CHN2: variants seen among roughly 807,000 people sequenced by gnomAD.
CHN2 encodes the protein chimerin 2.
Under a neutral mutation model 56.3 loss-of-function variants are expected in CHN2, and 35 were observed. The observed-to-expected ratio is 0.62, with a 90% CI of 0.47 to 0.82. The LOEUF (loss-of-function observed/expected upper bound fraction) is 0.82, where lower values mean the gene tolerates loss of function less well. CHN2 is among the 40% of genes least tolerant of loss of function. CHN2 has a pLI of 0.00. For missense variants in CHN2, 491 were observed against 580.5 expected, an observed-to-expected ratio of 0.85 and a Z score of 1.58; for synonymous variants, 210 against 212.8, an observed-to-expected ratio of 0.99 and a Z score of 0.12.
intron 1 of CHN2, among the ~76,000 whole-genome samples, chr7:29,312,516 T>C (rs1395733834): frequency 6.6e-6 from 1 of 152,194 alleles, no homozygotes; most frequent in Non-Finnish European, 1.5e-5. Context: ...GCTAACTTTA[T>C]TATAGAGGTC....
chr7:29,476,582 T>C (rs1786616386), intron 6 of CHN2, among the ~76,000 whole-genome samples: 1 of 151,764 alleles, frequency 6.6e-6, no homozygotes, highest in African/African-American at 2.4e-5. Flanking sequence ...AATACACATA[T>C]ATATGCAAAG....
chr7:29,150,877 A>G (rs775636414), intron 2 of CHN2, among the ~76,000 whole-genome samples: 1 of 152,210 alleles, frequency 6.6e-6, no homozygotes, highest in African/African-American at 2.4e-5. Context: ...TTAATTGTTC[A>G]ATAAACACTT....
At chr7:29,163,880 T>A (rs1185927440) in intron 2 of CHN2, among the ~76,000 whole-genome samples, 1 of 152,372 alleles carries the variant, frequency 6.6e-6, no homozygotes, top group South Asian at 2.1e-4. Context: ...GCTGAATTCA[T>A]TGCTGAATTG....
At chr7:29,384,334 ACCTTGGTTTGGATCTCATCT>A (rs1401714206) in intron 3 of CHN2, among the ~76,000 whole-genome samples, 1 of 152,032 alleles carries the variant, frequency 6.6e-6, no homozygotes, top group Non-Finnish European at 1.5e-5. Flanking sequence ...AGTCAATTAG[ACCTTGGTTTGGATCTCATCT>A]CCCTGCCTCT....
At chr7:29,442,004 G>A (rs1005401906) in intron 6 of CHN2, among the ~76,000 whole-genome samples, 1 of 152,120 alleles carries the variant, frequency 6.6e-6, no homozygotes, top group Non-Finnish European at 1.5e-5. Flanking sequence ...AACTACCCAT[G>A]GTAGCCAAAA....
chr7:29,424,698 T>A (rs1021966726), intron 6 of CHN2, among the ~76,000 whole-genome samples: 4 of 152,098 alleles, frequency 2.6e-5, no homozygotes, highest in East Asian at 1.9e-4. Flanking sequence ...TTCTCTTTTT[T>A]AAAAAAAATC....
intron 1 of CHN2, among the ~76,000 whole-genome samples, chr7:29,299,630 G>A (rs1297438658): frequency 6.6e-6 from 1 of 151,684 alleles, no homozygotes; most frequent in Non-Finnish European, 1.5e-5. Flanking sequence ...TGGATGTAAT[G>A]TATTATTATT....
At chr7:29,465,924 C>T (rs988895168) in intron 6 of CHN2, among the ~76,000 whole-genome samples, 2 of 152,188 alleles carry the variant, frequency 1.3e-5, no homozygotes, top group Non-Finnish European at 2.9e-5. Flanking sequence ...ATATTACAGG[C>T]CGAGCGCAGT....
At chr7:29,334,889 G>A (rs577958146) in intron 1 of CHN2, among the ~76,000 whole-genome samples, 33 of 152,268 alleles carry the variant, frequency 2.2e-4, no homozygotes, top group East Asian at 1.5e-3. Flanking sequence ...CTCCATGTGC[G>A]GACAGGAAGA....
At chr7:29,329,450 C>T (rs1315588763) in intron 1 of CHN2, among the ~76,000 whole-genome samples, 1 of 146,994 alleles carries the variant, frequency 6.8e-6, no homozygotes, top group Non-Finnish European at 1.5e-5. Flanking sequence ...ATGGGCCAAC[C>T]AGAGATTTTT....
chr7:29,381,389 G>T (rs1265246683), intron 3 of CHN2, among the ~76,000 whole-genome samples: 1 of 152,168 alleles, frequency 6.6e-6, no homozygotes, highest in Non-Finnish European at 1.5e-5. Context: ...GTCCAAACAA[G>T]GAGGGCCTAA....
chr7:29,435,749 A>C (rs1369901931), intron 6 of CHN2, among the ~76,000 whole-genome samples: 1 of 152,214 alleles, frequency 6.6e-6, no homozygotes, highest in Non-Finnish European at 1.5e-5. Context: ...TACAGGCTGT[A>C]GGTTAAGAAC....
At chr7:29,258,709 CAAAATAACAGAGATA>C (rs1229367679) in intron 1 of CHN2, among the ~76,000 whole-genome samples, 2 of 152,108 alleles carry the variant, frequency 1.3e-5, no homozygotes, top group Non-Finnish European at 2.9e-5. Flanking sequence ...GTGAGACCCA[CAAAATAACAGAGATA>C]AAAACATAAA....
intron 1 of CHN2, among the ~76,000 whole-genome samples, chr7:29,316,472 CT>C (rs1428756843): frequency 6.6e-6 from 1 of 152,108 alleles, no homozygotes; most frequent in African/African-American, 2.4e-5. Context: ...GTAAAAAAGC[CT>C]GATTAGAATC....
chr7:29,155,915 G>A (rs1562798274), intron 2 of CHN2, among the ~76,000 whole-genome samples: 1 of 152,278 alleles, frequency 6.6e-6, no homozygotes, highest in East Asian at 1.9e-4. Flanking sequence ...TGGGAAATAG[G>A]CCCTGAGCCG....
At chr7:29,427,642 G>A (rs371277786) in intron 6 of CHN2, among the ~76,000 whole-genome samples, 1 of 143,498 alleles carries the variant, frequency 7.0e-6, no homozygotes, top group African/African-American at 2.6e-5. Flanking sequence ...TAGTTCAAGT[G>A]TATATTTTTT....
chr7:29,240,984 T>C (rs933824415), intron 1 of CHN2, among the ~76,000 whole-genome samples: 2 of 152,054 alleles, frequency 1.3e-5, no homozygotes, highest in African/African-American at 4.8e-5. Context: ...CTGCCAGGTT[T>C]AAGTGATTCT....
chr7:29,195,250 G>T (rs1783532721), intron 1 of CHN2: 1 of 417,774 alleles, frequency 2.4e-6, no homozygotes, highest in Non-Finnish European at 4.2e-6. Flanking sequence ...GGGGCTTGGA[G>T]TGCAGCGAGC....
intron 2 of CHN2, among the ~76,000 whole-genome samples, chr7:29,152,458 A>G (rs1170906205): frequency 6.6e-6 from 1 of 152,130 alleles, no homozygotes; most frequent in Non-Finnish European, 1.5e-5. Flanking sequence ...TCATTTGAAA[A>G]TGGAAGTCAT....
Sources: gnomAD v4.1 joint callset for allele counts (sites outside exome capture counted in the v4.1 genomes callset) on GRCh38, gnomAD v4.1.1 for gene constraint, MANE v1.5 for transcripts, NCBI Gene and HGNC (gene_info 2026-07-23, HGNC 2026-07-21) for gene names.